NEO1: variants seen among roughly 807,000 people sequenced by gnomAD.
The protein encoded by NEO1 is neogenin.
NEO1 carries 63 observed loss-of-function variants against 159.7 expected under a neutral mutation model. The observed-to-expected ratio is 0.39, with a 90% CI of 0.32 to 0.49. NEO1 has a LOEUF of 0.49. Among genes scored for constraint, NEO1 ranks in the 20% least tolerant of loss-of-function variants. NEO1 has a pLI of 0.85. For synonymous variants in NEO1, 633 were observed against 662.0 expected (o/e 0.96, Z 0.67); for missense variants, 1,615 against 1,831.0 (o/e 0.88, Z 2.15).
Position 73,122,646 on chromosome 15 carries a change from A to G in NEO1, c.570A>G (p.Gln190=), listed in dbSNP as rs367772843. Residue 190 remains glutamine (Q), a synonymous_variant, in exon 3 of 29, where the codon CAA becomes CAG. Coordinates refer to ENST00000261908, the MANE Select transcript of NEO1 (RefSeq NM_002499.4). ...TTGTGAGGTGGGAACAGAACAGACA[A>G]CCCCTTCTTCTGGATGATAGAGTTA... The part of the protein sequence containing the change: ...VPFVRWEQNR[Q]PLLLDDRVIK... The G allele has an allele frequency of 6.2e-6, 10 of 1,614,080 alleles. No individual in the cohort carries two copies. The African/African-American group carries it at 1.1e-4, about 17-fold the overall frequency.
intron 7 of NEO1, among the ~76,000 whole-genome samples, chr15:73,203,758 T>C (rs2037050947): frequency 6.6e-6 from 1 of 152,126 alleles, no homozygotes; most frequent in Non-Finnish European, 1.5e-5. Flanking sequence ...AATTCTTCCC[T>C]CCCATCCCTT....
Position 73,236,517 on chromosome 15 carries a change from G to C in NEO1, c.1451+11G>C, listed in dbSNP as rs1388378071. ...GGAAGGGATTGCTAGGTAAGTGCCTGTGTGTCTGCAGCCAGTTGGCTGCCT... is the reference window on the plus strand; with the variant it reads ...GGAAGGGATTGCTAGGTAAGTGCCTCTGTGTCTGCAGCCAGTTGGCTGCCT... On this transcript the variant is annotated intron_variant, in intron 8 of 28. Coordinates refer to ENST00000261908, the MANE Select transcript of NEO1 (RefSeq NM_002499.4). The C allele has an allele frequency of 1.2e-6, 2 of 1,612,826 alleles. No homozygotes were observed. The highest frequency in any genetic ancestry group is 1.3e-5 in the African/African-American group (1 of 74,924).
In NEO1 at chr15:73,249,745, G is replaced by A. The variant is rs776277204; in HGVS notation, c.1894+24G>A. Reference sequence around the variant, plus strand: ...TGGTGAGTCTTTCTTCCTCTGGAACGATATACCACACTTGGTGCCCCTAGT... The same window carrying A: ...TGGTGAGTCTTTCTTCCTCTGGAACAATATACCACACTTGGTGCCCCTAGT... On this transcript the variant is annotated intron_variant, in intron 11 of 28. Coordinates refer to ENST00000261908, the MANE Select transcript of NEO1 (RefSeq NM_002499.4). The A allele has an allele frequency of 1.6e-5, 26 of 1,595,648 alleles. No homozygotes were observed. The South Asian group carries it at 1.7e-4, about 11-fold the overall frequency.
chr15:73,135,776 C>G, intron 4 of NEO1, 115 bp from the exon 5 acceptor site: 1 of 928,568 alleles, frequency 1.1e-6, no homozygotes, highest in East Asian at 2.9e-5. Flanking sequence ...TCATCTATAG[C>G]TATATAAATA....
rs147313493 is a variant in NEO1, at chr15:73,154,041, C to G, written c.1015+18014C>G. 3.8e-4 allele frequency among the ~76,000 whole-genome samples: 58 copies of G among 151,980 alleles called. No homozygotes were observed. In the East Asian group the frequency reaches 5.4e-3, roughly 14 times the overall value. On this transcript the variant is annotated intron_variant, in intron 5 of 28. Transcript: ENST00000261908. ...GTCACATTTACATTATATGGATATA[C>G]CTGACAAATTTTTAAAATATCTTTC...
intron 1 of NEO1, among the ~76,000 whole-genome samples, chr15:73,088,219 G>A (rs1005162134): frequency 2.6e-5 from 4 of 151,742 alleles, no homozygotes; most frequent in South Asian, 2.1e-4. Flanking sequence ...ATATCAAGGG[G>A]TTAGCAAGAT....
intron 25 of NEO1, among the ~76,000 whole-genome samples, chr15:73,292,176 A>G (rs2042187672): frequency 6.6e-6 from 1 of 152,174 alleles, no homozygotes; most frequent in Non-Finnish European, 1.5e-5. Flanking sequence ...GCTTGCTTGC[A>G]TGTGGCCAGG....
intron 5 of NEO1, among the ~76,000 whole-genome samples, chr15:73,171,736 G>C (rs2034986259): frequency 6.6e-6 from 1 of 151,378 alleles, no homozygotes; most frequent in Non-Finnish European, 1.5e-5. Context: ...CCACCTCCTG[G>C]GTTCAAGCGA....
intron 26 of NEO1, among the ~76,000 whole-genome samples, chr15:73,294,079 A>G (rs2042262548): frequency 6.6e-6 from 1 of 152,206 alleles, no homozygotes; most frequent in Admixed American, 6.5e-5. Context: ...AAACCTCAGG[A>G]TTATTAAAAT....
In NEO1 at chr15:73,057,556, T is replaced by A. The variant is rs529053533; in HGVS notation, c.130+4751T>A. 7.7e-4 allele frequency among the ~76,000 whole-genome samples: 117 copies of A among 152,314 alleles called. 1 individual carries two copies. Among genetic ancestry groups the A allele is most frequent in the African/African-American group, 2.7e-3 (113 of 41,578 alleles). ...GTGAAGTGAGGAGAAGTTTTGTGTT[T>A]ACGATTTTGAAAAATTAACTTTGTC... On this transcript the variant is annotated intron_variant, in intron 1 of 28. Coordinates refer to ENST00000261908, the MANE Select transcript of NEO1 (RefSeq NM_002499.4).
chr15:73,108,357 G>GT (rs2070794617), intron 1 of NEO1, among the ~76,000 whole-genome samples: 2 of 152,198 alleles, frequency 1.3e-5, no homozygotes, highest in Admixed American at 1.3e-4. Flanking sequence ...GGTACTTTAA[G>GT]AAGTTACATA....
intron 1 of NEO1, among the ~76,000 whole-genome samples, chr15:73,099,075 G>A (rs1300272841): frequency 1.3e-5 from 2 of 152,132 alleles, no homozygotes; most frequent in Admixed American, 6.5e-5. Flanking sequence ...ATATGCAGCA[G>A]TGTGGATAGT....
At chr15:73,246,131 C>T in intron 9 of NEO1, among the ~76,000 whole-genome samples, 1 of 152,160 alleles carries the variant, frequency 6.6e-6, no homozygotes, top group East Asian at 1.9e-4. Flanking sequence ...AATGCTATGG[C>T]ATATCATTCA....
chr15:73,267,876 A>C (rs9672586), intron 16 of NEO1, among the ~76,000 whole-genome samples: 3,237 of 152,298 alleles, frequency 0.021, 95 homozygotes, highest in African/African-American at 0.058. Context: ...TTATTTTCGG[A>C]AATGTTCTTT....
intron 9 of NEO1, 61 bp from the exon 10 acceptor site, chr15:73,248,999 A>C (rs939758117): frequency 3.2e-6 from 5 of 1,539,006 alleles, no homozygotes; most frequent in African/African-American, 2.7e-5. Flanking sequence ...ATTGCCAAGA[A>C]TGGTTATTGA....
Position 73,205,905 on chromosome 15 carries a change from A to C in NEO1, c.1291+27478A>C, listed in dbSNP as rs1438338610. Among the ~76,000 whole-genome samples the C allele has an allele frequency of 2.0e-5, 3 of 151,382 alleles. No homozygotes were observed. In the East Asian group the frequency reaches 5.8e-4, roughly 29 times the overall value. ...ATATTTTTAATTTTCAACATCTGTA[A>C]TTTTTTTTTTGTTTTTTTTTGAGTC... On this transcript the variant is annotated intron_variant, in intron 7 of 28. Coordinates refer to ENST00000261908, the MANE Select transcript of NEO1 (RefSeq NM_002499.4).
At chr15:73,301,299 T>A (rs1441626126) in intron 27 of NEO1, 22 bp from the exon 28 acceptor site, 6 of 1,613,896 alleles carry the variant, frequency 3.7e-6, no homozygotes, top group Non-Finnish European at 5.1e-6. Context: ...GCCACATATC[T>A]GATGGTGCCC....
chr15:73,062,225 AAAAC>A (rs1456990550), intron 1 of NEO1, among the ~76,000 whole-genome samples: 1 of 152,212 alleles, frequency 6.6e-6, no homozygotes, highest in African/African-American at 2.4e-5. Context: ...TAGAAGAAAA[AAAAC>A]CTCTGTAAAT....
chr15:73,081,288 A>G lies in NEO1; in HGVS notation c.130+28483A>G, dbSNP rs146542809. ...TCAGGATTTTGAATGACTGGACTAT[A>G]GATAATCACATTTTAAAACTGCATT... is the stretch of plus-strand genomic sequence containing the variant. On this transcript the variant is annotated intron_variant, in intron 1 of 28. Coordinates refer to ENST00000261908, the MANE Select transcript of NEO1 (RefSeq NM_002499.4). 4.0e-3 allele frequency among the ~76,000 whole-genome samples: 605 copies of G among 152,226 alleles called. 5 individuals carry two copies. Among genetic ancestry groups the G allele is most frequent in the African/African-American group, 0.014 (579 of 41,514 alleles).
Sources: gnomAD v4.1 joint callset for allele counts (sites outside exome capture counted in the v4.1 genomes callset) on GRCh38, gnomAD v4.1.1 for gene constraint, MANE v1.5 for transcripts, NCBI Gene and HGNC (gene_info 2026-07-23, HGNC 2026-07-21) for gene names.